The following TRAPPC9 variants were observed in gnomAD, a reference collection of about 807,000 sequenced individuals.
TRAPPC9 encodes the protein IKK2 binding protein.
In TRAPPC9, 83 loss-of-function variants were observed where a neutral mutation model predicts 124.0. The observed-to-expected ratio is 0.67, with a 90% confidence interval of 0.56 to 0.80. TRAPPC9 has a LOEUF of 0.80. Among genes scored for constraint, TRAPPC9 ranks in the 30% least tolerant of loss-of-function variants. The pLI is 0.00. For synonymous variants in TRAPPC9, 638 were observed against 617.5 expected (o/e 1.03, Z -0.49); for missense variants, 1,302 against 1,508.3 (o/e 0.86, Z 2.27).
chr8:140,175,297 G>T (rs1466472570), intron 17 of TRAPPC9, among the ~76,000 whole-genome samples: 3 of 151,772 alleles, frequency 2.0e-5, no homozygotes, highest in Non-Finnish European at 4.4e-5. Flanking sequence ...TACACTGAGT[G>T]TCAGCAAGAG....
chr8:139,900,906 C>T (rs773554086), intron 20 of TRAPPC9, among the ~76,000 whole-genome samples: 4 of 151,504 alleles, frequency 2.6e-5, no homozygotes, highest in Non-Finnish European at 5.9e-5. Context: ...AAACATGAAG[C>T]CAGATGGGAA....
At chr8:140,293,257 A>T (rs1408182161) in intron 11 of TRAPPC9, among the ~76,000 whole-genome samples, 1 of 150,184 alleles carries the variant, frequency 6.7e-6, no homozygotes, top group Non-Finnish European at 1.5e-5. Context: ...ACACTTTTAC[A>T]CTTTTGGTGG....
chr8:139,778,484 C>A (rs548969317), intron 21 of TRAPPC9, among the ~76,000 whole-genome samples: 1 of 152,000 alleles, frequency 6.6e-6, no homozygotes, highest in Non-Finnish European at 1.5e-5. Flanking sequence ...TCAAAACAGG[C>A]CCAGAACTGA....
At position 139,730,891 on chromosome 8, in the gene TRAPPC9, C is replaced by A; in HGVS notation, c.*170G>T. 2 of 737,286 alleles carry A rather than the reference C, an allele frequency of 2.7e-6. No homozygotes were observed. Among genetic ancestry groups the A allele is most frequent in the Non-Finnish European group, 4.4e-6 (2 of 455,520 alleles). The allele number at this position is 737,286 out of a possible 1,614,324, so 45.7% of individuals were successfully genotyped here. A position where few individuals can be genotyped will look rare whatever the true frequency, so the allele number is the denominator to read the frequency against. On this transcript the variant is annotated 3_prime_UTR_variant, in exon 23 of 23. Coordinates refer to ENST00000438773, the MANE Select transcript of TRAPPC9 (RefSeq NM_001160372.4). Reference sequence around the variant, plus strand: ...GGGGCTGCCATGTCCGGGGCTTCTGCGTAGCCCAGCAAAGATGCTACAGGA... The same window carrying A: ...GGGGCTGCCATGTCCGGGGCTTCTGAGTAGCCCAGCAAAGATGCTACAGGA...
chr8:139,975,749 A>G (rs1017403403), intron 19 of TRAPPC9, among the ~76,000 whole-genome samples: 62 of 151,956 alleles, frequency 4.1e-4, no homozygotes, highest in African/African-American at 1.4e-3. Context: ...CACCCCACTC[A>G]AGCTGCCCTG....
At chr8:140,146,599 C>CT (rs779291696) in intron 17 of TRAPPC9, among the ~76,000 whole-genome samples, 49 of 152,322 alleles carry the variant, frequency 3.2e-4, no homozygotes, top group Non-Finnish European at 6.2e-4. Flanking sequence ...ACCACATCTA[C>CT]TTTAAAAGAC....
At chr8:139,795,417 G>A (rs936133489) in intron 21 of TRAPPC9, among the ~76,000 whole-genome samples, 1 of 152,062 alleles carries the variant, frequency 6.6e-6, no homozygotes, top group South Asian at 2.1e-4. Context: ...GAGATGAGTC[G>A]GACCAGATGA....
intron 20 of TRAPPC9, among the ~76,000 whole-genome samples, chr8:139,895,741 C>T (rs918982516): frequency 4.6e-5 from 7 of 152,230 alleles, no homozygotes; most frequent in Non-Finnish European, 1.0e-4. Context: ...TACACTTGGG[C>T]TCAAAACACA....
intron 6 of TRAPPC9, among the ~76,000 whole-genome samples, chr8:140,404,843 TACGTGCCTGTGTGC>T (rs2069424609): frequency 6.6e-6 from 1 of 151,944 alleles, no homozygotes. Flanking sequence ...CATGCGTGTG[TACGTGCCTGTGTGC>T]GGGTGTGAGC....
intron 21 of TRAPPC9, among the ~76,000 whole-genome samples, chr8:139,740,642 C>G (rs192842129): frequency 6.6e-6 from 1 of 152,176 alleles, no homozygotes; most frequent in Non-Finnish European, 1.5e-5. Context: ...GAAGCAGGTC[C>G]GGGAGCCCTG....
At chr8:139,884,459 C>T (rs1456505755) in intron 21 of TRAPPC9, among the ~76,000 whole-genome samples, 1 of 152,192 alleles carries the variant, frequency 6.6e-6, no homozygotes, top group African/African-American at 2.4e-5. Flanking sequence ...CTCTTGGGCC[C>T]CTGTTCTGCC....
intron 2 of TRAPPC9, among the ~76,000 whole-genome samples, chr8:140,443,342 A>C (rs922573993): frequency 3.6e-4 from 54 of 151,858 alleles, no homozygotes; most frequent in African/African-American, 1.2e-3. Flanking sequence ...AGGCTGAGGC[A>C]GGAGAATGGT....
chr8:140,417,533 C>A (rs11784361), intron 5 of TRAPPC9, among the ~76,000 whole-genome samples: 85,552 of 152,010 alleles, frequency 0.56, 24,413 homozygotes, highest in Middle Eastern at 0.67. Context: ...GCTAGTTAGA[C>A]TGGCGATCAT....
At chr8:139,999,798 C>A (rs1300923600) in intron 18 of TRAPPC9, among the ~76,000 whole-genome samples, 1 of 152,150 alleles carries the variant, frequency 6.6e-6, no homozygotes, top group Non-Finnish European at 1.5e-5. Flanking sequence ...GAAATTTAAT[C>A]AATGCACTTC....
intron 8 of TRAPPC9, among the ~76,000 whole-genome samples, chr8:140,368,850 C>T (rs762379033): frequency 6.6e-6 from 1 of 152,058 alleles, no homozygotes. Context: ...GAGTTTGAGG[C>T]CAGCCTGGGC....
chr8:140,166,998 C>T (rs917401726), intron 17 of TRAPPC9, among the ~76,000 whole-genome samples: 5 of 152,288 alleles, frequency 3.3e-5, no homozygotes, highest in Admixed American at 2.0e-4. Flanking sequence ...GAATGCAAAA[C>T]GCATGATCTC....
chr8:139,837,341 C>T (rs990975655), intron 21 of TRAPPC9, among the ~76,000 whole-genome samples: 4 of 152,274 alleles, frequency 2.6e-5, no homozygotes, highest in South Asian at 2.1e-4. Context: ...CAGGGTCTTC[C>T]GGCTCCCACC....
intron 2 of TRAPPC9, 145 bp downstream of exon 2, chr8:140,450,645 C>T: frequency 1.3e-6 from 1 of 742,022 alleles, no homozygotes; most frequent in Non-Finnish European, 2.3e-6. Flanking sequence ...TTTAGCAGCA[C>T]TCAAACAGAT....
At chr8:140,048,259 C>T (rs553593769) in intron 17 of TRAPPC9, among the ~76,000 whole-genome samples, 4 of 152,218 alleles carry the variant, frequency 2.6e-5, no homozygotes, top group Admixed American at 1.3e-4. Flanking sequence ...GCATATGCAA[C>T]GTGTCCAATC....
Sources: allele counts gnomAD v4.1 joint callset (sites outside exome capture counted in the v4.1 genomes callset), GRCh38; gene constraint gnomAD v4.1.1; transcripts MANE v1.5; gene names NCBI Gene and HGNC (gene_info 2026-07-23, HGNC 2026-07-21).